Variants in ATP13A4 observed in about 807,000 individuals in gnomAD.
ATP13A4 encodes the protein ATPase 13A4.
ATP13A4 carries 114 observed loss-of-function variants against 142.5 expected under a neutral mutation model. The observed-to-expected ratio is 0.80, with a 90% CI of 0.69 to 0.93. ATP13A4 has a LOEUF of 0.93. ATP13A4 is among the 40% of genes least tolerant of loss of function. ATP13A4 has a pLI of 0.00. For missense variants in ATP13A4, 1,392 were observed against 1,454.0 expected (o/e 0.96, Z 0.69); for synonymous variants, 488 against 514.8 (o/e 0.95, Z 0.70).
At chr3:193,426,628 G>A (rs1005627151) in intron 25 of ATP13A4, among the ~76,000 whole-genome samples, 27 of 151,842 alleles carry the variant, frequency 1.8e-4, no homozygotes, top group Admixed American at 1.6e-3. Context: ...AAACCAGTTC[G>A]GTGCTAACAT....
rs913978487 is a variant in ATP13A4 at position 193,401,864 on chromosome 3, T to C, written c.*788A>G. 1.3e-5 allele frequency among the ~76,000 whole-genome samples: 2 copies of C among 152,122 alleles called. No individual in the cohort carries two copies. The highest frequency in any genetic ancestry group is 2.1e-4 in the South Asian group (1 of 4,816). ...GGCCAAATCCTTGACTAATGAGATATGAGTAGGGAAAGCAATGTGTGCCAC... is the reference window on the plus strand; with the variant it reads ...GGCCAAATCCTTGACTAATGAGATACGAGTAGGGAAAGCAATGTGTGCCAC... On this transcript the variant is annotated 3_prime_UTR_variant, in exon 30 of 30. Transcript: ENST00000342695.
chr3:193,412,040 T>C, intron 27 of ATP13A4, 138 bp downstream of exon 27: 1 of 744,156 alleles, frequency 1.3e-6, no homozygotes, highest in Non-Finnish European at 2.4e-6. Context: ...CTGTACGATG[T>C]GTTTTGCAGA....
At chr3:193,424,143 A>T (rs1309043617) in intron 25 of ATP13A4, among the ~76,000 whole-genome samples, 1 of 146,500 alleles carries the variant, frequency 6.8e-6, no homozygotes, top group Non-Finnish European at 1.5e-5. Flanking sequence ...AAATCTCTAT[A>T]CTGGAAACTA....
At chr3:193,592,635 A>G (rs1276544789) in intron 1 of ATP13A4, among the ~76,000 whole-genome samples, 2 of 152,232 alleles carry the variant, frequency 1.3e-5, no homozygotes, top group Admixed American at 1.3e-4. Context: ...GACGCCTTTT[A>G]TAAACCACAC....
intron 1 of ATP13A4, among the ~76,000 whole-genome samples, chr3:193,521,976 G>A (rs972256972): frequency 2.6e-5 from 4 of 151,804 alleles, no homozygotes; most frequent in Admixed American, 1.3e-4. Context: ...AAAAAAAACT[G>A]CACCTCCATC....
At chr3:193,554,282 C>T (rs1319905376) in intron 1 of ATP13A4, 1 of 210,206 alleles carries the variant, frequency 4.8e-6, no homozygotes, top group African/African-American at 2.3e-5. Flanking sequence ...ACTCGGTGAA[C>T]AAGACATTTG....
At chr3:193,415,736 A>C (rs1163270365) in intron 25 of ATP13A4, among the ~76,000 whole-genome samples, 2 of 152,182 alleles carry the variant, frequency 1.3e-5, no homozygotes, top group African/African-American at 4.8e-5. Context: ...TAGGCTAACA[A>C]ATGCAGTTGC....
chr3:193,417,406 G>A (rs577144098), intron 25 of ATP13A4, among the ~76,000 whole-genome samples: 1 of 152,294 alleles, frequency 6.6e-6, no homozygotes, highest in Non-Finnish European at 1.5e-5. Context: ...GGAAAAAGAT[G>A]TAATTTGTAA....
intron 26 of ATP13A4, 115 bp downstream of exon 26, chr3:193,414,464 T>C: frequency 5.3e-6 from 7 of 1,309,666 alleles, no homozygotes; most frequent in Non-Finnish European, 6.5e-6. Flanking sequence ...CAAGGGACTT[T>C]AAAAAGCCAA....
chr3:193,587,545 A>G (rs1352351123), intron 1 of ATP13A4, among the ~76,000 whole-genome samples: 2 of 152,212 alleles, frequency 1.3e-5, no homozygotes, highest in Non-Finnish European at 2.9e-5. Flanking sequence ...GGTAACATTC[A>G]CAAGTTCCAA....
chr3:193,457,498 A>G, intron 14 of ATP13A4, 33 bp from the exon 15 acceptor site: 2 of 1,591,194 alleles, frequency 1.3e-6, no homozygotes, highest in Non-Finnish European at 1.7e-6. Flanking sequence ...CATTGCAGAG[A>G]TTTATTTATT....
intron 26 of ATP13A4, 109 bp from the exon 27 acceptor site, chr3:193,412,480 C>T (rs1163696567): frequency 2.5e-6 from 2 of 799,122 alleles, no homozygotes; most frequent in Admixed American, 3.7e-5. Context: ...GCACTCAATG[C>T]TTCTACAATT....
intron 25 of ATP13A4, among the ~76,000 whole-genome samples, chr3:193,422,485 C>A (rs949822365): frequency 6.7e-6 from 1 of 149,632 alleles, no homozygotes; most frequent in Non-Finnish European, 1.5e-5. Flanking sequence ...GTTCACAAAA[C>A]AAGTACTAAA....
chr3:193,439,132 A>C, intron 21 of ATP13A4, 67 bp from the exon 22 acceptor site: 1 of 1,464,076 alleles, frequency 6.8e-7, no homozygotes, highest in Admixed American at 1.7e-5. Context: ...TAATTAAAAA[A>C]ACAAAGTAAC....
chr3:193,527,379 C>G (rs1577052823), intron 1 of ATP13A4, among the ~76,000 whole-genome samples: 1 of 151,998 alleles, frequency 6.6e-6, no homozygotes, highest in Non-Finnish European at 1.5e-5. Flanking sequence ...TATGGGGGGG[C>G]CAACGTGGGC....
chr3:193,541,586 C>CTTTG (rs1285714717), intron 1 of ATP13A4, among the ~76,000 whole-genome samples: 3 of 151,744 alleles, frequency 2.0e-5, no homozygotes, highest in Admixed American at 6.6e-5. Flanking sequence ...AATTCTGTTT[C>CTTTG]TTTCTTTGTT....
At chr3:193,489,585 G>T in intron 7 of ATP13A4, 145 bp downstream of exon 7, 1 of 800,594 alleles carries the variant, frequency 1.2e-6, no homozygotes, top group Non-Finnish European at 2.1e-6. Flanking sequence ...GTTGAACACT[G>T]GTTACTGTGC....
At chr3:193,555,820 C>T (rs1723864645), upstream of ATP13A4, among the ~76,000 whole-genome samples, 1 of 152,210 alleles carries the variant, frequency 6.6e-6, no homozygotes, top group South Asian at 2.1e-4. Context: ...CCTACCCTAG[C>T]TCTGGCAAAA....
Position 193,402,753 on chromosome 3 carries a change from A to C in ATP13A4, c.3490T>G (p.Trp1164Gly), listed in dbSNP as rs748007946. 6.2e-7 allele frequency: 1 copy of C among 1,613,200 alleles called. No individual in the cohort carries two copies. The highest frequency in any genetic ancestry group is 8.5e-7 in the Non-Finnish European group (1 of 1,179,136). ...WQRDLANDPSWPPLNQTSHSD... is the reference protein window; with the variant it reads ...WQRDLANDPSGPPLNQTSHSD... ...TGGGAGGTTTGGTTTAGCGGGGGCC[A>C]ACTAGGGTCATTTGCCAAGTCCCTC... Residue 1164 changes from tryptophan to glycine, a missense_variant, in exon 30 of 30, where the codon TGG becomes GGG. Physicochemically the swap from Trp to Gly is radical, Grantham distance 184. Coordinates refer to ENST00000342695, the MANE Select transcript of ATP13A4 (RefSeq NM_032279.4).
Sources: allele counts gnomAD v4.1 joint callset (sites outside exome capture counted in the v4.1 genomes callset), GRCh38; gene constraint gnomAD v4.1.1; transcripts MANE v1.5; gene names NCBI Gene and HGNC (gene_info 2026-07-23, HGNC 2026-07-21).